Variants in PPP4R4 observed in about 807,000 individuals in gnomAD.
PPP4R4 encodes serine/threonine-protein phosphatase 4 regulatory subunit 4.
PPP4R4 carries 70 observed loss-of-function variants against 121.8 expected under a neutral mutation model. The ratio of observed to expected loss-of-function variants is 0.57; its 90% CI spans 0.47 to 0.70. The LOEUF (loss-of-function observed/expected upper bound fraction) is 0.70, where lower values mean the gene tolerates loss of function less well. Ranked by LOEUF, PPP4R4 falls within the 30% of genes least tolerant of loss-of-function variation. The probability of loss-of-function intolerance (pLI) is 0.00; values close to 1 mark genes in which losing one functional copy is unlikely to be tolerated. For missense variants in PPP4R4, 875 were observed against 1,033.6 expected (o/e 0.85, Z 2.10); for synonymous variants, 348 against 355.7 (o/e 0.98, Z 0.24).
chr14:94,177,356 G>A (rs1888735711), intron 2 of PPP4R4, among the ~76,000 whole-genome samples: 1 of 152,188 alleles, frequency 6.6e-6, no homozygotes, highest in Non-Finnish European at 1.5e-5. Flanking sequence ...TCAACGGTAT[G>A]TGTTTTGGGT....
intron 8 of PPP4R4, 41 bp from the exon 9 acceptor site, chr14:94,240,632 G>T: frequency 6.4e-7 from 1 of 1,571,804 alleles, no homozygotes; most frequent in South Asian, 1.2e-5. Context: ...CAATGTGGAC[G>T]ACTGAATTTA....
intron 2 of PPP4R4, among the ~76,000 whole-genome samples, chr14:94,189,376 G>A (rs571598345): frequency 3.3e-5 from 5 of 152,148 alleles, no homozygotes; most frequent in East Asian, 3.9e-4. Context: ...ATTATTTCAC[G>A]TAGCTTTTAC....
intron 3 of PPP4R4, among the ~76,000 whole-genome samples, chr14:94,220,811 C>A (rs1891345084): frequency 6.6e-6 from 1 of 152,056 alleles, no homozygotes; most frequent in Non-Finnish European, 1.5e-5. Flanking sequence ...TGTCAGTTTG[C>A]CCCAGATCAA....
chr14:94,186,471 G>A (rs1595450327), intron 2 of PPP4R4, among the ~76,000 whole-genome samples: 1 of 152,086 alleles, frequency 6.6e-6, no homozygotes, highest in African/African-American at 2.4e-5. Context: ...TCCGTTTAAT[G>A]GGTATAACAC....
At chr14:94,218,657 C>G (rs1423588812) in intron 3 of PPP4R4, among the ~76,000 whole-genome samples, 2 of 113,478 alleles carry the variant, frequency 1.8e-5, no homozygotes, top group Non-Finnish European at 3.6e-5. Context: ...AGACACTGCG[C>G]GCGCGCACAC....
intron 16 of PPP4R4, 45 bp from the exon 17 acceptor site, chr14:94,256,415 C>A: frequency 6.8e-7 from 1 of 1,459,896 alleles, no homozygotes; most frequent in Non-Finnish European, 9.3e-7. Flanking sequence ...TTCTGTTATT[C>A]TTAGTTATTA....
intron 3 of PPP4R4, chr14:94,227,493 TC>T: frequency 2.2e-6 from 3 of 1,384,070 alleles, no homozygotes; most frequent in Non-Finnish European, 2.8e-6. Context: ...CAGTGGACAG[TC>T]CCAGATGTTG....
At chr14:94,225,508 T>C (rs1891647851) in intron 3 of PPP4R4, among the ~76,000 whole-genome samples, 1 of 152,172 alleles carries the variant, frequency 6.6e-6, no homozygotes. Context: ...CAGCCCAGCT[T>C]CAAATCATCC....
chr14:94,262,317 CA>C (rs893118919), intron 19 of PPP4R4, among the ~76,000 whole-genome samples: 6 of 151,940 alleles, frequency 3.9e-5, no homozygotes, highest in Non-Finnish European at 8.8e-5. Flanking sequence ...TTTAAACTGA[CA>C]AATCTGTTGG....
intron 3 of PPP4R4, among the ~76,000 whole-genome samples, chr14:94,211,186 A>G (rs775009365): frequency 7.2e-5 from 11 of 152,224 alleles, no homozygotes; most frequent in Non-Finnish European, 1.2e-4. Context: ...TGAACAAAAG[A>G]TGGGGGACTT....
Position 94,265,476 on chromosome 14 carries a change from A to G in PPP4R4, c.2284+3A>G, listed in dbSNP as rs1183063552. 35 of 1,594,058 alleles carry G rather than the reference A, an allele frequency of 2.2e-5. No individual in the cohort carries two copies. Among genetic ancestry groups the G allele is most frequent in the Non-Finnish European group, 2.9e-5 (34 of 1,162,998 alleles). Reference sequence around the variant, plus strand: ...CTCTTCTGTCACCCCATCGACAAGTAAGAAATAACTTCTTTTTATATCTTT... The same window carrying G: ...CTCTTCTGTCACCCCATCGACAAGTGAGAAATAACTTCTTTTTATATCTTT... On this transcript the variant is annotated splice_donor_region_variant and intron_variant, in intron 21 of 24. Coordinates refer to ENST00000304338, the MANE Select transcript of PPP4R4 (RefSeq NM_058237.2).
chr14:94,278,248 A>C (rs2139679361), intron 24 of PPP4R4, among the ~76,000 whole-genome samples: 1 of 152,322 alleles, frequency 6.6e-6, no homozygotes, highest in East Asian at 1.9e-4. Context: ...TCTTAAAGGA[A>C]GCATAGGTAT....
intron 9 of PPP4R4, among the ~76,000 whole-genome samples, chr14:94,241,429 G>A (rs1469137399): frequency 4.6e-5 from 7 of 151,970 alleles, no homozygotes; most frequent in Non-Finnish European, 7.4e-5. Context: ...TTTTCTGTCA[G>A]CAATTTTAGA....
At chr14:94,247,848 G>T (rs1184322823) in intron 14 of PPP4R4, among the ~76,000 whole-genome samples, 2 of 152,166 alleles carry the variant, frequency 1.3e-5, no homozygotes, top group Non-Finnish European at 2.9e-5. Flanking sequence ...AAAGGCTTTT[G>T]ATAAAGTCCA....
At position 94,200,060 on chromosome 14, in the gene PPP4R4, G is replaced by T. The variant is rs74074114; in HGVS notation, c.192-8404G>T. Among the ~76,000 whole-genome samples, 462 of 152,096 alleles carry T rather than the reference G, an allele frequency of 3.0e-3. 2 individuals are homozygous for T. Among genetic ancestry groups the T allele is most frequent in the African/African-American group, 0.011 (447 of 41,480 alleles). The stretch of plus-strand genomic sequence containing the variant: ...GTCAGGGAACAGCCTTTCCCTTCCC[G>T]GCACTTCCCTGCACCCCCTCCCATA... On this transcript the variant is annotated intron_variant, in intron 2 of 24. Transcript: ENST00000304338.
intron 13 of PPP4R4, 109 bp downstream of exon 13, chr14:94,245,779 C>A (rs1449110537): frequency 3.0e-6 from 2 of 675,644 alleles, no homozygotes; most frequent in African/African-American, 1.8e-5. Context: ...TAAAATAGTG[C>A]ATGCCACATA....
Position 94,256,576 on chromosome 14 carries a change from A to G in PPP4R4, c.1982A>G (p.Asp661Gly), listed in dbSNP as rs1595532540. ...CVRKLLCQEKDKDVLAIVKRT... is the reference protein window; with the variant it reads ...CVRKLLCQEKGKDVLAIVKRT... The stretch of plus-strand genomic sequence containing the variant: ...AGGAAACTCCTGTGTCAAGAAAAAG[A>G]TAAAGATGTTCTGGCTATTGTAAAA... Residue 661 changes from aspartate to glycine, a missense_variant, in exon 17 of 25, where the codon GAT becomes GGT. By Grantham distance (94) the Asp-to-Gly change is moderately conservative. Transcript: ENST00000304338. 1 of 1,608,050 alleles carries G rather than the reference A, an allele frequency of 6.2e-7. No individual in the cohort carries two copies. Among genetic ancestry groups the G allele is most frequent in the African/African-American group, 1.3e-5 (1 of 74,880 alleles).
chr14:94,264,626 A>G (rs1002175176), intron 19 of PPP4R4, among the ~76,000 whole-genome samples: 2 of 152,216 alleles, frequency 1.3e-5, no homozygotes, highest in Non-Finnish European at 2.9e-5. Context: ...TAGAAAATGA[A>G]GGGTAATTAT....
chr14:94,225,759 G>T (rs1320921947), intron 3 of PPP4R4, among the ~76,000 whole-genome samples: 1 of 152,120 alleles, frequency 6.6e-6, no homozygotes. Flanking sequence ...GGACTTGAAT[G>T]AAATTAAAAT....
Sources: allele counts gnomAD v4.1 joint callset (sites outside exome capture counted in the v4.1 genomes callset), GRCh38; gene constraint gnomAD v4.1.1; transcripts MANE v1.5; gene names NCBI Gene and HGNC (gene_info 2026-07-23, HGNC 2026-07-21).